The following ATM variants were observed in gnomAD, a reference collection of about 807,000 sequenced individuals.
ATM encodes the protein ATM serine/threonine kinase.
Under a neutral mutation model 387.0 loss-of-function variants are expected in ATM, and 308 were observed. That is an observed-to-expected ratio of 0.80 (90% confidence interval 0.73 to 0.87). ATM has a LOEUF of 0.87. Among genes scored for constraint, ATM ranks in the 40% least tolerant of loss-of-function variants. The pLI is 0.00. For missense variants in ATM, 3,312 were observed against 3,560.9 expected (o/e 0.93, Z 1.78); for synonymous variants, 1,156 against 1,187.3 (o/e 0.97, Z 0.54).
chr11:108,327,391 G>A (rs2136364192), intron 47 of ATM: 1 of 427,468 alleles, frequency 2.3e-6, no homozygotes, highest in East Asian at 4.8e-5. Context: ...TTTACAAAGT[G>A]TCTGACATAT....
intron 37 of ATM, among the ~76,000 whole-genome samples, 154 bp downstream of exon 37, chr11:108,305,006 C>T (rs1423058387): frequency 6.6e-6 from 1 of 152,328 alleles, no homozygotes; most frequent in Non-Finnish European, 1.5e-5. Context: ...AAGTTGCCAA[C>T]AGTTGCAACA....
intron 9 of ATM, among the ~76,000 whole-genome samples, chr11:108,250,112 C>T (rs1221606907): frequency 1.3e-4 from 19 of 145,900 alleles, no homozygotes; most frequent in Non-Finnish European, 2.8e-4. Flanking sequence ...CAAGGATGTA[C>T]AAGATAACTC....
At chr11:108,316,479 G>C (rs2084661424) in intron 42 of ATM, among the ~76,000 whole-genome samples, 1 of 152,070 alleles carries the variant, frequency 6.6e-6, no homozygotes, top group African/African-American at 2.4e-5. Flanking sequence ...CTCATAGTTT[G>C]CAACAGAGTT....
rs2088308600 is a variant in ATM, at chr11:108,345,899, T to A, written c.8575T>A (p.Ser2859Thr). 2.5e-6 allele frequency: 4 copies of A among 1,613,674 alleles called. No individual in the cohort carries two copies. The highest frequency in any genetic ancestry group is 1.1e-5 in the South Asian group (1 of 91,072). The change falls in exon 58 of 63, where the codon TCT (serine) becomes ACT (threonine). Residue 2859 changes from serine to threonine, a missense_variant. Physicochemically the swap from Ser to Thr is moderately conservative, Grantham distance 58 (BLOSUM62 1). Around this residue, in one of 4 missense-constraint regions of ATM, gnomAD observed 1,405 missense variants for 1,604.4 expected, o/e 0.88. Coordinates refer to ENST00000675843, the MANE Select transcript of ATM (RefSeq NM_000051.4). Reference protein sequence around the residue: ...RLAYTRSVATSSIVGYILGLG... With the variant: ...RLAYTRSVATTSIVGYILGLG... ...GGCTTATACGCGCAGTGTAGCTACTTCTTCTATTGGTAATCTTCTTGTACA... is the reference window on the plus strand; with the variant it reads ...GGCTTATACGCGCAGTGTAGCTACTACTTCTATTGGTAATCTTCTTGTACA...
chr11:108,321,694 A>G (rs1043278547), intron 45 of ATM, among the ~76,000 whole-genome samples: 1 of 151,938 alleles, frequency 6.6e-6, no homozygotes, highest in Non-Finnish European at 1.5e-5. Flanking sequence ...GAGGCAGGAA[A>G]ATTGCTTGAA....
At chr11:108,270,202 A>AGGG (rs2081496780) in intron 18 of ATM, among the ~76,000 whole-genome samples, 1 of 152,188 alleles carries the variant, frequency 6.6e-6, no homozygotes, top group African/African-American at 2.4e-5. Flanking sequence ...TGTGCATAGT[A>AGGG]CCATAAAGAG....
chr11:108,272,509 T>C, intron 20 of ATM, 23 bp from the exon 21 acceptor site: 2 of 1,577,864 alleles, frequency 1.3e-6, no homozygotes, highest in Non-Finnish European at 1.7e-6. Flanking sequence ...TTATTTAACT[T>C]TGGAAAACTT....
At chr11:108,338,443 C>A (rs920040025) in intron 56 of ATM, among the ~76,000 whole-genome samples, 5 of 152,170 alleles carry the variant, frequency 3.3e-5, no homozygotes, top group Non-Finnish European at 7.3e-5. Context: ...TCACTTGAGG[C>A]CAGGAGTTTG....
chr11:108,334,926 A>G (rs1167884270), intron 54 of ATM, 43 bp from the exon 55 acceptor site: 9 of 1,580,730 alleles, frequency 5.7e-6, no homozygotes, highest in Admixed American at 1.7e-5. Context: ...AAGTGCAAAT[A>G]GTGTATCTGA....
chr11:108,328,879 C>G (rs1045856962), intron 48 of ATM, 142 bp from the exon 49 acceptor site: 18 of 935,740 alleles, frequency 1.9e-5, no homozygotes, highest in East Asian at 1.6e-4. Context: ...GTGGGTTGGA[C>G]AAGTTTGCAA....
rs1181857160 is a variant in ATM, at chr11:108,271,189, A to G, written c.2921+43A>G. On this transcript the variant is annotated intron_variant, in intron 19 of 62. Coordinates refer to ENST00000675843, the MANE Select transcript of ATM (RefSeq NM_000051.4). ...TATGTTATGTTCACTTTAAAGTTAT[A>G]AAATAACTGATGTGTTCTGTTAAGC... 3.7e-6 allele frequency: 6 copies of G among 1,612,918 alleles called. No homozygotes were observed. In the Admixed American group the frequency reaches 1.0e-4, roughly 27 times the overall value.
intron 32 of ATM, chr11:108,295,773 C>T (rs1269493953): frequency 3.3e-5 from 5 of 152,232 alleles, no homozygotes; most frequent in African/African-American, 9.7e-5. Context: ...CGTGCCTCAG[C>T]CTTCCTAGTA....
rs776761757 is a variant in ATM, at chr11:108,293,363, C to T, written c.4662C>T (p.Asn1554=). Residue 1554 remains asparagine (N), a synonymous_variant, in exon 31 of 63, where the codon AAC becomes AAT. Transcript: ENST00000675843. ...TGATAGATAACAAGGATAATGAAAA[C>T]CTCTATATCACGATTAAGCTTTTAG... ...YLVIDNKDNE[N]LYITIKLLDP... 6.3e-7 allele frequency: 1 copy of T among 1,593,898 alleles called. No individual in the cohort carries two copies. The highest frequency in any genetic ancestry group is 2.2e-5 in the East Asian group (1 of 44,652).
intron 33 of ATM, among the ~76,000 whole-genome samples, chr11:108,299,245 G>A: frequency 6.6e-6 from 1 of 151,894 alleles, no homozygotes. Context: ...TGAACTGTGT[G>A]TTTAAGATTA....
intron 10 of ATM, 35 bp from the exon 11 acceptor site, chr11:108,251,802 C>T (rs2135337701): frequency 6.2e-7 from 1 of 1,609,382 alleles, no homozygotes; most frequent in Non-Finnish European, 8.5e-7. Context: ...CCTCCAATAG[C>T]TTGCTTTTCA....
intron 13 of ATM, among the ~76,000 whole-genome samples, chr11:108,255,785 A>T (rs1261820707): frequency 6.6e-6 from 1 of 152,178 alleles, no homozygotes; most frequent in Non-Finnish European, 1.5e-5. Context: ...GGAGTCTAAA[A>T]AGCTGAATAA....
rs199586999 is a variant in ATM, at chr11:108,315,841, T to C, written c.6025T>C (p.Tyr2009His). Reference sequence around the variant, plus strand: ...TTTTCAGGATCTTCTCTTAGAAATCTACAGAAGTATAGGGGAGCCAGATAG... The same window carrying C: ...TTTTCAGGATCTTCTCTTAGAAATCCACAGAAGTATAGGGGAGCCAGATAG... ...ISLQDLLLEI[Y>H]RSIGEPDSLY... Residue 2009 changes from tyrosine to histidine, a missense_variant, in exon 41 of 63, where the codon TAC becomes CAC. This residue lies in a region of ATM where 1,405 missense variants were observed against 1,604.4 expected (regional missense o/e 0.88). Coordinates refer to ENST00000675843, the MANE Select transcript of ATM (RefSeq NM_000051.4). 2.3e-5 allele frequency: 37 copies of C among 1,612,340 alleles called. No homozygotes were observed. Among genetic ancestry groups the C allele is most frequent in the Non-Finnish European group, 2.8e-5 (33 of 1,178,492 alleles).
At chr11:108,299,316 T>TC (rs1491121122) in intron 33 of ATM, among the ~76,000 whole-genome samples, 1,193 of 38,840 alleles carry the variant, frequency 0.031, 12 homozygotes, top group African/African-American at 0.055. Context: ...TCTCTCTCTC[T>TC]TTTTTTTTTT....
chr11:108,303,005 T>C lies in ATM; in HGVS notation c.5472T>C (p.Leu1824=). 1 of 1,613,164 alleles carries C rather than the reference T, an allele frequency of 6.2e-7. No homozygotes were observed. Among genetic ancestry groups the C allele is most frequent in the Non-Finnish European group, 8.5e-7 (1 of 1,179,260 alleles). ...GTGGAGGCACAAAATGTGAAATTCT[T>C]CAATTATTAAAGCCAATGTGTGAAG... ...LDSGGTKCEI[L]QLLKPMCEVK... Residue 1824 remains leucine (L), a synonymous_variant, in exon 36 of 63, where the codon CTT becomes CTC. Transcript: ENST00000675843.
Sources: allele counts gnomAD v4.1 joint callset (sites outside exome capture counted in the v4.1 genomes callset), GRCh38; gene constraint gnomAD v4.1.1; regional missense constraint gnomAD v4.1.1; transcripts MANE v1.5; gene names NCBI Gene and HGNC (gene_info 2026-07-23, HGNC 2026-07-21).